The following ARMH3 variants were observed in gnomAD, a reference collection of about 807,000 sequenced individuals.
The protein encoded by ARMH3 is armadillo like helical domain containing 3.
In ARMH3, 60 loss-of-function variants were observed where a neutral mutation model predicts 99.1. The ratio of observed to expected loss-of-function variants is 0.61; its 90% confidence interval spans 0.49 to 0.75. ARMH3 has a LOEUF of 0.75. Among genes scored for constraint, ARMH3 ranks in the 30% least tolerant of loss-of-function variants. ARMH3 has a pLI of 0.00. For synonymous variants in ARMH3, 285 were observed against 292.8 expected, an observed-to-expected ratio of 0.97 and a Z score of 0.27; for missense variants, 679 against 843.1, an observed-to-expected ratio of 0.81 and a Z score of 2.41.
At position 102,023,523 on chromosome 10, in the gene ARMH3, T is replaced by C; in HGVS notation, c.623A>G (p.Asp208Gly). 6.2e-7 allele frequency: 1 copy of C among 1,614,142 alleles called. No individual in the cohort carries two copies. The highest frequency in any genetic ancestry group is 8.5e-7 in the Non-Finnish European group (1 of 1,180,026). Reference protein sequence around the residue: ...HPPSRREHGYDAVVLLALLVN... With the variant: ...HPPSRREHGYGAVVLLALLVN... ...CAGCAAAGCCAAGAGGACGACAGCA[T>C]CATACCCATGCTCCCTACGACTTGG... is the stretch of plus-strand genomic sequence containing the variant. Residue 208 changes from aspartate (D) to glycine (G), a missense_variant, in exon 8 of 26, where the codon GAT becomes GGT. Physicochemically the swap from Asp to Gly is moderately conservative, Grantham distance 94 (BLOSUM62 -1). Coordinates refer to ENST00000370033, the MANE Select transcript of ARMH3 (RefSeq NM_024541.3).
chr10:101,915,416 C>T (rs1843038487), intron 23 of ARMH3, among the ~76,000 whole-genome samples: 1 of 152,192 alleles, frequency 6.6e-6, no homozygotes, highest in Admixed American at 6.5e-5. Flanking sequence ...CACTAAGTTG[C>T]AGCCACAGAG....
chr10:101,946,863 C>T (rs937765875), intron 22 of ARMH3, among the ~76,000 whole-genome samples: 1 of 151,436 alleles, frequency 6.6e-6, no homozygotes, highest in Non-Finnish European at 1.5e-5. Flanking sequence ...ATTACAATCA[C>T]ACTGCTGAAA....
chr10:101,967,491 C>T (rs566432529), intron 20 of ARMH3, among the ~76,000 whole-genome samples: 1 of 152,284 alleles, frequency 6.6e-6, no homozygotes, highest in African/African-American at 2.4e-5. Flanking sequence ...GTAATCCTAA[C>T]ACTTTGGGAG....
At position 101,895,837 on chromosome 10, in the gene ARMH3, C is replaced by A. The variant is rs4919600; in HGVS notation, c.1782-6347G>T. Reference sequence around the variant, plus strand: ...TTATAATTCAACAATAAATTACACACAAATAATACAATTTTTAAAAGAACA... The same window carrying A: ...TTATAATTCAACAATAAATTACACAAAAATAATACAATTTTTAAAAGAACA... On this transcript the variant is annotated intron_variant, in intron 23 of 25. Transcript: ENST00000370033. 2.5e-3 allele frequency among the ~76,000 whole-genome samples: 379 copies of A among 152,232 alleles called. 2 individuals are homozygous for A. The highest frequency in any genetic ancestry group is 0.019 in the East Asian group (98 of 5,192).
intron 23 of ARMH3, among the ~76,000 whole-genome samples, chr10:101,917,542 T>C (rs1025224375): frequency 1.2e-4 from 18 of 152,234 alleles, no homozygotes; most frequent in African/African-American, 3.4e-4. Flanking sequence ...AGTGTATAAA[T>C]AAAGCCACTA....
intron 18 of ARMH3, among the ~76,000 whole-genome samples, chr10:101,991,094 G>T (rs1435002466): frequency 8.5e-5 from 13 of 152,222 alleles, no homozygotes; most frequent in Admixed American, 8.5e-4. Flanking sequence ...GGGGCTTTGG[G>T]TCAAGAGAGG....
At chr10:102,044,464 G>C (rs959945680) in intron 1 of ARMH3, among the ~76,000 whole-genome samples, 2 of 150,810 alleles carry the variant, frequency 1.3e-5, no homozygotes, top group Non-Finnish European at 2.9e-5. Flanking sequence ...TCCACCTCCT[G>C]GGCTCAAGCC....
At chr10:101,943,241 C>A (rs978119367) in intron 22 of ARMH3, among the ~76,000 whole-genome samples, 3 of 152,180 alleles carry the variant, frequency 2.0e-5, no homozygotes, top group African/African-American at 7.2e-5. Context: ...CTTGCAGACA[C>A]TGATCTATGC....
At chr10:102,007,157 C>A (rs1231979890) in intron 13 of ARMH3, among the ~76,000 whole-genome samples, 1 of 26,784 alleles carries the variant, frequency 3.7e-5, no homozygotes, top group Non-Finnish European at 8.9e-5. Context: ...AAGACTCTAT[C>A]TCAAAAAAAA....
At chr10:102,000,304 C>T (rs1308067033) in intron 15 of ARMH3, among the ~76,000 whole-genome samples, 2 of 152,112 alleles carry the variant, frequency 1.3e-5, no homozygotes, top group African/African-American at 2.4e-5. Context: ...AGGCTTACTT[C>T]CAGGCAATCC....
At chr10:101,947,454 C>A (rs1373403644) in intron 22 of ARMH3, among the ~76,000 whole-genome samples, 2 of 151,590 alleles carry the variant, frequency 1.3e-5, no homozygotes, top group Non-Finnish European at 2.9e-5. Context: ...GAGCTATAAT[C>A]ACACCACTGC....
intron 14 of ARMH3, among the ~76,000 whole-genome samples, chr10:102,003,416 G>A (rs983276477): frequency 1.3e-5 from 2 of 152,114 alleles, no homozygotes; most frequent in East Asian, 1.9e-4. Flanking sequence ...CCCACCTCGG[G>A]CCTCCCAAAG....
chr10:101,946,071 C>CAAAAAAAAAAAAAAAAAAAAAAAAAAAA (rs569179050), intron 22 of ARMH3, among the ~76,000 whole-genome samples: 3 of 34,486 alleles, frequency 8.7e-5, no homozygotes, highest in African/African-American at 4.8e-4. Context: ...GACTCTGCCT[C>CAAAAAAAAAAAAAAAAAAAAAAAAAAAA]AAAAAAAAAA....
chr10:101,908,825 G>A (rs1447369123), intron 23 of ARMH3, among the ~76,000 whole-genome samples: 7 of 151,518 alleles, frequency 4.6e-5, no homozygotes, highest in Admixed American at 4.0e-4. Flanking sequence ...CACGTCACCC[G>A]GCTAATTCTG....
chr10:101,999,285 G>A (rs747600998), intron 15 of ARMH3, among the ~76,000 whole-genome samples: 7 of 151,616 alleles, frequency 4.6e-5, no homozygotes, highest in African/African-American at 7.3e-5. Context: ...TCCGCCTCCC[G>A]CATTCAAGCG....
chr10:101,931,403 T>C (rs1026518977), intron 23 of ARMH3, among the ~76,000 whole-genome samples: 12 of 152,192 alleles, frequency 7.9e-5, no homozygotes, highest in African/African-American at 2.9e-4. Context: ...TGGGCACCGA[T>C]AATCCTGGCT....
At chr10:101,880,584 A>G (rs1446366184) in intron 24 of ARMH3, among the ~76,000 whole-genome samples, 1 of 152,150 alleles carries the variant, frequency 6.6e-6, no homozygotes, top group African/African-American at 2.4e-5. Context: ...TCACATTAGT[A>G]GCCATGGTGG....
chr10:101,939,035 T>C (rs1193428208), intron 23 of ARMH3, among the ~76,000 whole-genome samples: 1 of 152,176 alleles, frequency 6.6e-6, no homozygotes, highest in Non-Finnish European at 1.5e-5. Context: ...ACCAGCTTTG[T>C]CACACATTAG....
At chr10:101,919,448 A>G (rs994189159) in intron 23 of ARMH3, among the ~76,000 whole-genome samples, 8 of 152,088 alleles carry the variant, frequency 5.3e-5, no homozygotes, top group Non-Finnish European at 1.0e-4. Context: ...TTCTTTGCCA[A>G]CGAAGCTCAC....
Sources: allele counts gnomAD v4.1 joint callset (sites outside exome capture counted in the v4.1 genomes callset), GRCh38; gene constraint gnomAD v4.1.1; transcripts MANE v1.5; gene names NCBI Gene and HGNC (gene_info 2026-07-23, HGNC 2026-07-21).